The following RALGPS1 variants were observed in gnomAD, a reference collection of about 807,000 sequenced individuals.
The protein encoded by RALGPS1 is Ral GEF with PH domain and SH3 binding motif 1.
Under a neutral mutation model 78.8 loss-of-function variants are expected in RALGPS1, and 19 were observed. The observed-to-expected ratio is 0.24, with a 90% CI of 0.17 to 0.35. RALGPS1 has a LOEUF of 0.35. RALGPS1 is among the 10% of genes least tolerant of loss of function. The probability of loss-of-function intolerance (pLI) is 1.00; values close to 1 mark genes in which losing one functional copy is unlikely to be tolerated. For synonymous variants in RALGPS1, 228 were observed against 256.3 expected, an observed-to-expected ratio of 0.89 and a Z score of 1.06; for missense variants, 454 against 688.3, an observed-to-expected ratio of 0.66 and a Z score of 3.81.
chr9:126,949,852 C>T (rs529800627), intron 1 of RALGPS1, among the ~76,000 whole-genome samples: 10 of 152,066 alleles, frequency 6.6e-5, no homozygotes, highest in African/African-American at 2.4e-4. Context: ...CTTTTGTTGC[C>T]ATTGCTTTTG....
chr9:127,015,476 C>CAGG (rs1445765298), intron 4 of RALGPS1, among the ~76,000 whole-genome samples: 1 of 152,114 alleles, frequency 6.6e-6, no homozygotes, highest in African/African-American at 2.4e-5. Flanking sequence ...AGCCTGGGAA[C>CAGG]AGGACTGCGA....
At chr9:127,203,597 G>C (rs539552941) in intron 14 of RALGPS1, among the ~76,000 whole-genome samples, 1 of 152,034 alleles carries the variant, frequency 6.6e-6, no homozygotes, top group Non-Finnish European at 1.5e-5. Flanking sequence ...GGGTTGGGGG[G>C]CACAGTGCAC....
Position 127,218,815 on chromosome 9 carries a change from G to C in RALGPS1, c.*46G>C. 1 of 1,597,730 alleles carries C rather than the reference G, an allele frequency of 6.3e-7. No individual in the cohort carries two copies. The highest frequency in any genetic ancestry group is 8.6e-7 in the Non-Finnish European group (1 of 1,165,052). On this transcript the variant is annotated 3_prime_UTR_variant, in exon 19 of 19. Coordinates refer to ENST00000259351, the MANE Select transcript of RALGPS1 (RefSeq NM_014636.3). The surrounding 1 kb of genome is among the most constrained non-coding windows in gnomAD (Gnocchi z 4.4). ...GACTTCAGAGGCTTCTGGGAACCCA[G>C]GCTGGGCCTGGTGGTGAAGAGCAGT... is the stretch of plus-strand genomic sequence containing the variant.
chr9:126,941,137 C>CT (rs68042673), intron 1 of RALGPS1, among the ~76,000 whole-genome samples: 3 of 151,400 alleles, frequency 2.0e-5, no homozygotes, highest in Non-Finnish European at 4.4e-5. Flanking sequence ...TACGCCCCCC[C>CT]CCTTTAAAAT....
At chr9:126,918,281 C>T (rs1005035098) in intron 1 of RALGPS1, among the ~76,000 whole-genome samples, 5 of 152,180 alleles carry the variant, frequency 3.3e-5, no homozygotes, top group Non-Finnish European at 5.9e-5. Flanking sequence ...TGGTTGCAAT[C>T]GTACGTATGT....
chr9:126,983,179 T>C (rs2041484881), intron 4 of RALGPS1, among the ~76,000 whole-genome samples: 1 of 151,962 alleles, frequency 6.6e-6, no homozygotes, highest in Non-Finnish European at 1.5e-5. Flanking sequence ...TCAGGTGATC[T>C]GCCCGCCTCG....
intron 7 of RALGPS1, among the ~76,000 whole-genome samples, chr9:127,067,388 C>T (rs1439830079): frequency 6.6e-6 from 1 of 152,244 alleles, no homozygotes; most frequent in South Asian, 2.1e-4. Context: ...TAAGCTATCA[C>T]TGCTCCTGTG....
chr9:127,124,891 G>A (rs887379200), intron 8 of RALGPS1, among the ~76,000 whole-genome samples: 1 of 152,188 alleles, frequency 6.6e-6, no homozygotes, highest in African/African-American at 2.4e-5. Flanking sequence ...TCCAGCACAA[G>A]CCCCTTGGTT....
intron 8 of RALGPS1, among the ~76,000 whole-genome samples, chr9:127,133,471 C>T (rs972026826): frequency 6.6e-6 from 1 of 152,232 alleles, no homozygotes; most frequent in Non-Finnish European, 1.5e-5. Flanking sequence ...TCTGCAGAGC[C>T]GCCTTTGCCT....
At chr9:126,936,885 T>C (rs1344326286) in intron 1 of RALGPS1, among the ~76,000 whole-genome samples, 1 of 151,350 alleles carries the variant, frequency 6.6e-6, no homozygotes, top group Non-Finnish European at 1.5e-5. Context: ...TCTCGCTCTG[T>C]TGTCCAGGCT....
At chr9:127,180,106 A>G (rs1392997535) in intron 11 of RALGPS1, among the ~76,000 whole-genome samples, 2 of 152,262 alleles carry the variant, frequency 1.3e-5, no homozygotes, top group East Asian at 1.9e-4. Flanking sequence ...TTCCCTCCAC[A>G]TGTAATGTTT....
intron 3 of RALGPS1, among the ~76,000 whole-genome samples, chr9:126,966,954 A>C (rs694735): frequency 0.027 from 4,182 of 152,192 alleles, 52 homozygotes; most frequent in Middle Eastern, 0.048. Flanking sequence ...CTCAAACCTG[A>C]TTGAGAGTGT....
intron 1 of RALGPS1, among the ~76,000 whole-genome samples, chr9:126,948,671 A>G (rs2037508861): frequency 6.6e-6 from 1 of 152,142 alleles, no homozygotes; most frequent in Non-Finnish European, 1.5e-5. Context: ...AGCCTGGGAC[A>G]TGGGGGCGCT....
intron 8 of RALGPS1, among the ~76,000 whole-genome samples, chr9:127,158,110 G>A (rs925035778): frequency 2.6e-5 from 4 of 152,040 alleles, no homozygotes; most frequent in African/African-American, 4.8e-5. Context: ...TGCTAGAATC[G>A]TAAAATGAAC....
rs7862243 is a variant in RALGPS1, at chr9:127,191,155, A to G, written c.911-3936A>G. 6.3e-3 allele frequency among the ~76,000 whole-genome samples: 964 copies of G among 152,282 alleles called. 12 individuals are homozygous for G. Among genetic ancestry groups the G allele is most frequent in the African/African-American group, 0.022 (919 of 41,546 alleles). The stretch of plus-strand genomic sequence containing the variant: ...AATCCTGTGTTGGTTTAGGGGTGAC[A>G]CATACCTTCTCCCAGACTGTGATTC... On this transcript the variant is annotated intron_variant, in intron 11 of 18. Coordinates refer to ENST00000259351, the MANE Select transcript of RALGPS1 (RefSeq NM_014636.3).
intron 14 of RALGPS1, among the ~76,000 whole-genome samples, chr9:127,201,737 C>A (rs576110359): frequency 6.6e-6 from 1 of 152,310 alleles, no homozygotes; most frequent in African/African-American, 2.4e-5. Flanking sequence ...CTCACCCAGG[C>A]CAAATCCTCC....
chr9:127,152,214 G>T (rs2058459482), intron 8 of RALGPS1, among the ~76,000 whole-genome samples: 1 of 152,166 alleles, frequency 6.6e-6, no homozygotes, highest in Admixed American at 6.5e-5. Context: ...GTGTGGGGAG[G>T]TGTGGTCTCT....
At chr9:127,025,675 G>A (rs570362324) in intron 4 of RALGPS1, among the ~76,000 whole-genome samples, 1 of 152,104 alleles carries the variant, frequency 6.6e-6, no homozygotes, top group South Asian at 2.1e-4. Flanking sequence ...CTGGTAAAGT[G>A]TATGAACAAA....
At chr9:127,053,873 A>G (rs1334472991) in intron 7 of RALGPS1, among the ~76,000 whole-genome samples, 1 of 152,242 alleles carries the variant, frequency 6.6e-6, no homozygotes, top group Admixed American at 6.5e-5. Context: ...GTTTTAGCCC[A>G]GTGTCAGAAA....
Sources: allele counts gnomAD v4.1 joint callset (sites outside exome capture counted in the v4.1 genomes callset), GRCh38; gene constraint gnomAD v4.1.1; non-coding constraint Gnocchi (gnomAD v3.1); transcripts MANE v1.5; gene names NCBI Gene and HGNC (gene_info 2026-07-23, HGNC 2026-07-21).